The following MALT1 variants were observed in gnomAD, a reference collection of about 807,000 sequenced individuals.
MALT1 encodes mucosa-associated lymphoid tissue lymphoma translocation protein 1.
MALT1 carries 36 observed loss-of-function variants against 85.5 expected under a neutral mutation model. The ratio of observed to expected loss-of-function variants is 0.42; its 90% CI spans 0.32 to 0.56. The LOEUF (loss-of-function observed/expected upper bound fraction) is 0.56. MALT1 is among the 20% of genes least tolerant of loss of function. The pLI is 0.10. For synonymous variants in MALT1, 359 were observed against 361.3 expected (o/e 0.99, Z 0.07); for missense variants, 716 against 981.6 (o/e 0.73, Z 3.62).
intron 10 of MALT1, among the ~76,000 whole-genome samples, chr18:58,727,617 T>TTTTTTTTTTG (rs2055078624): frequency 8.3e-6 from 1 of 120,212 alleles, no homozygotes; most frequent in African/African-American, 3.2e-5. Flanking sequence ...GTTTTTTGTG[T>TTTTTTTTTTG]TTTTTTTTTT....
chr18:58,672,112 C>T, intron 1 of MALT1: 1 of 324,072 alleles, frequency 3.1e-6, no homozygotes, highest in Non-Finnish European at 5.6e-6. Flanking sequence ...TGTTCCCACC[C>T]CCGCCCCTGG....
chr18:58,686,274 G>A (rs376160778), intron 2 of MALT1, among the ~76,000 whole-genome samples: 16 of 152,268 alleles, frequency 1.1e-4, no homozygotes, highest in African/African-American at 2.9e-4. Context: ...TAATCCGTCC[G>A]CCTCGGCCTC....
rs1318839327 is a variant in MALT1, at chr18:58,751,985, G to C, written c.*4143G>C. 1 of 152,170 alleles carries C rather than the reference G, an allele frequency of 6.6e-6. No individual in the cohort carries two copies. The highest frequency in any genetic ancestry group is 1.5e-5 in the Non-Finnish European group (1 of 68,024). The allele number at this position is 152,170 out of a possible 1,614,324, so 9.4% of individuals were successfully genotyped here. ...TCCTGGCACAGAAAAGGTCCATTTA[G>C]ACATTGCCTTCTTCCCCCATCTCTA... On this transcript the variant is annotated 3_prime_UTR_variant, in exon 17 of 17. Transcript: ENST00000649217.
chr18:58,700,141 A>G (rs781735723), intron 3 of MALT1, among the ~76,000 whole-genome samples: 16 of 152,206 alleles, frequency 1.1e-4, no homozygotes, highest in South Asian at 2.1e-4. Flanking sequence ...GATTCTTTCA[A>G]TACTCAGTGA....
rs1371917281 is a variant in MALT1 at position 58,754,143 on chromosome 18, G to C, written c.*6301G>C. 5 of 152,164 alleles carry C rather than the reference G, an allele frequency of 3.3e-5. No homozygotes were observed. Among genetic ancestry groups the C allele is most frequent in the Non-Finnish European group, 7.3e-5 (5 of 68,048 alleles). 9.4% of individuals were successfully genotyped at this position (152,164 alleles called of 1,614,324 possible). ...ACCAGAGGTGTTACTATACCCTCCAGGATAACCCAGCTAGTAAGGGCAGAG... is the reference window on the plus strand; with the variant it reads ...ACCAGAGGTGTTACTATACCCTCCACGATAACCCAGCTAGTAAGGGCAGAG... On this transcript the variant is annotated 3_prime_UTR_variant, in exon 17 of 17. Coordinates refer to ENST00000649217, the MANE Select transcript of MALT1 (RefSeq NM_006785.4).
intron 13 of MALT1, among the ~76,000 whole-genome samples, chr18:58,737,490 AAAAAG>A (rs2055239734): frequency 6.6e-6 from 1 of 152,142 alleles, no homozygotes; most frequent in African/African-American, 2.4e-5. Context: ...AAAAAAAAAA[AAAAAG>A]AAAATTCCAG....
intron 10 of MALT1, among the ~76,000 whole-genome samples, chr18:58,728,710 A>G (rs2055101214): frequency 1.3e-5 from 2 of 152,182 alleles, no homozygotes; most frequent in Admixed American, 6.5e-5. Context: ...ACTTTGATAC[A>G]GAATAGTTAC....
chr18:58,698,356 C>T (rs776075937), intron 3 of MALT1, among the ~76,000 whole-genome samples: 3 of 152,162 alleles, frequency 2.0e-5, no homozygotes, highest in Non-Finnish European at 4.4e-5. Context: ...TGAGCTGTCG[C>T]ACCCGACTAG....
At chr18:58,722,057 C>G in intron 9 of MALT1, among the ~76,000 whole-genome samples, 1 of 152,056 alleles carries the variant, frequency 6.6e-6, no homozygotes, top group East Asian at 1.9e-4. Context: ...AGAAAGCCGT[C>G]AGAGGCTATT....
chr18:58,739,137 A>G (rs2055266498), intron 13 of MALT1, among the ~76,000 whole-genome samples: 1 of 152,166 alleles, frequency 6.6e-6, no homozygotes, highest in Non-Finnish European at 1.5e-5. Flanking sequence ...TTAAATTTAT[A>G]GATAGTCTAA....
In MALT1 at chr18:58,747,805, T is replaced by A; in HGVS notation, c.2438T>A (p.Phe813Tyr). 1.2e-6 allele frequency: 2 copies of A among 1,613,930 alleles called. No individual in the cohort carries two copies. Among genetic ancestry groups the A allele is most frequent in the Non-Finnish European group, 1.7e-6 (2 of 1,179,808 alleles). ...VPVETTDEIP[F>Y]SFSDRLRISE... Reference sequence around the variant, plus strand: ...GTAGAGACAACTGATGAAATACCATTTAGTTTCTCTGACAGGCTCAGAATT... The same window carrying A: ...GTAGAGACAACTGATGAAATACCATATAGTTTCTCTGACAGGCTCAGAATT... The change falls in exon 17 of 17, where the codon TTT (phenylalanine) becomes TAT (tyrosine). Residue 813 changes from phenylalanine (F) to tyrosine (Y), a missense_variant. Transcript: ENST00000649217.
intron 2 of MALT1, among the ~76,000 whole-genome samples, chr18:58,685,405 G>C (rs2054387331): frequency 6.6e-6 from 1 of 152,138 alleles, no homozygotes; most frequent in Non-Finnish European, 1.5e-5. Flanking sequence ...AACAGTCAGA[G>C]GTAGCTCTGA....
intron 10 of MALT1, among the ~76,000 whole-genome samples, chr18:58,726,537 TTTATA>T (rs1415209851): frequency 1.3e-5 from 2 of 152,102 alleles, no homozygotes; most frequent in Admixed American, 6.5e-5. Flanking sequence ...TTCATGCCCT[TTTATA>T]TTATATTGCA....
chr18:58,715,905 T>C (rs778563181), intron 8 of MALT1, 30 bp from the exon 9 acceptor site: 71 of 1,533,468 alleles, frequency 4.6e-5, no homozygotes, highest in Non-Finnish European at 6.3e-5. Context: ...CCATGGATCT[T>C]ACATGTTTTG....
intron 4 of MALT1, 92 bp from the exon 5 acceptor site, chr18:58,709,286 A>C (rs1009043632): frequency 3.9e-6 from 3 of 779,014 alleles, no homozygotes; most frequent in Non-Finnish European, 5.7e-6. Context: ...AATTGTAACA[A>C]ATGAAGGGGG....
intron 10 of MALT1, among the ~76,000 whole-genome samples, chr18:58,729,978 C>T (rs1018298912): frequency 6.6e-5 from 10 of 152,258 alleles, no homozygotes; most frequent in East Asian, 5.8e-4. Flanking sequence ...GTAGTAGTTA[C>T]CAGGTGAGTA....
chr18:58,731,782 G>A (rs1163526784), intron 10 of MALT1, among the ~76,000 whole-genome samples: 2 of 152,124 alleles, frequency 1.3e-5, no homozygotes, highest in Non-Finnish European at 2.9e-5. Flanking sequence ...TGTGAATCGT[G>A]TGAATTCATG....
rs1369303976 is a variant in MALT1 at position 58,752,509 on chromosome 18, T to C, written c.*4667T>C. ...TTTGACACTGAAACCCTGGGCATGG[T>C]GGCTCACACCTGTAATCCCAGCACT... On this transcript the variant is annotated 3_prime_UTR_variant, in exon 17 of 17. Transcript: ENST00000649217. 6.6e-6 allele frequency: 1 copy of C among 151,378 alleles called. No individual in the cohort carries two copies. Among genetic ancestry groups the C allele is most frequent in the Non-Finnish European group, 1.5e-5 (1 of 67,972 alleles). 9.4% of individuals were successfully genotyped at this position (151,378 alleles called of 1,614,324 possible). A position where few individuals can be genotyped will look rare whatever the true frequency, so the allele number is the denominator to read the frequency against.
chr18:58,745,130 C>T (rs1280589900), intron 15 of MALT1, among the ~76,000 whole-genome samples: 3 of 152,008 alleles, frequency 2.0e-5, no homozygotes, highest in African/African-American at 7.3e-5. Context: ...CCTCCAGTCT[C>T]AGCAGTACGG....
Sources: allele counts gnomAD v4.1 joint callset (sites outside exome capture counted in the v4.1 genomes callset), GRCh38; gene constraint gnomAD v4.1.1; transcripts MANE v1.5; gene names NCBI Gene and HGNC (gene_info 2026-07-23, HGNC 2026-07-21).